Variants in DTD1 observed in about 807,000 individuals in gnomAD.
DTD1 encodes D-tyrosyl-tRNA deacylase 1 homolog.
In DTD1, 13 loss-of-function variants were observed where a neutral mutation model predicts 25.6. The ratio of observed to expected loss-of-function variants is 0.51; its 90% CI spans 0.33 to 0.81. The LOEUF (loss-of-function observed/expected upper bound fraction) is 0.81. Among genes scored for constraint, DTD1 ranks in the 30% least tolerant of loss-of-function variants. The pLI is 0.02. For synonymous variants in DTD1, 110 were observed against 103.6 expected (o/e 1.06, Z -0.37); for missense variants, 193 against 266.4 (o/e 0.72, Z 1.92).
intron 3 of DTD1, among the ~76,000 whole-genome samples, chr20:18,622,150 G>T (rs1375225642): frequency 6.6e-6 from 1 of 152,104 alleles, no homozygotes; most frequent in Non-Finnish European, 1.5e-5. Flanking sequence ...ATGTGCCATG[G>T]TGTTTGCTGC....
intron 3 of DTD1, among the ~76,000 whole-genome samples, chr20:18,600,600 C>T (rs2060629878): frequency 6.6e-6 from 1 of 152,118 alleles, no homozygotes; most frequent in Non-Finnish European, 1.5e-5. Flanking sequence ...TTTGCTTCCC[C>T]ATGTAAACTT....
At chr20:18,649,001 A>AAC in intron 4 of DTD1, among the ~76,000 whole-genome samples, 1 of 146,826 alleles carries the variant, frequency 6.8e-6, no homozygotes, top group Non-Finnish European at 1.5e-5. Context: ...ATCTCAAAAA[A>AAC]AAAAAAAAAA....
At chr20:18,730,775 C>CAA (rs555833193) in intron 4 of DTD1, among the ~76,000 whole-genome samples, 95 of 152,210 alleles carry the variant, frequency 6.2e-4, no homozygotes, top group Middle Eastern at 3.4e-3. Flanking sequence ...GGCTGGAACT[C>CAA]TTTTATGAGT....
At chr20:18,634,348 C>T (rs984093821) in intron 4 of DTD1, among the ~76,000 whole-genome samples, 1 of 152,164 alleles carries the variant, frequency 6.6e-6, no homozygotes, top group Non-Finnish European at 1.5e-5. Context: ...GGACTCTTCC[C>T]TGGGGCCTAG....
chr20:18,668,577 C>A (rs1320851182), intron 4 of DTD1, among the ~76,000 whole-genome samples: 1 of 152,126 alleles, frequency 6.6e-6, no homozygotes, highest in East Asian at 1.9e-4. Context: ...GGCAAGGCCC[C>A]ATCCTGAGTG....
chr20:18,654,927 CA>C (rs1195160314), intron 4 of DTD1, among the ~76,000 whole-genome samples: 1 of 152,116 alleles, frequency 6.6e-6, no homozygotes, highest in Non-Finnish European at 1.5e-5. Flanking sequence ...TCAATATTAA[CA>C]GTGCTTTTAA....
chr20:18,732,195 C>T (rs2061240974), intron 4 of DTD1, among the ~76,000 whole-genome samples: 1 of 152,162 alleles, frequency 6.6e-6, no homozygotes, highest in Admixed American at 6.5e-5. Context: ...TTCTCTTTTT[C>T]TTAAGACTCT....
intron 3 of DTD1, among the ~76,000 whole-genome samples, chr20:18,598,309 C>T (rs932068455): frequency 4.6e-5 from 7 of 152,170 alleles, no homozygotes; most frequent in Non-Finnish European, 8.8e-5. Context: ...GACGTGAACT[C>T]ATCCTTTTTT....
At chr20:18,650,484 C>T (rs566020959) in intron 4 of DTD1, among the ~76,000 whole-genome samples, 4 of 152,294 alleles carry the variant, frequency 2.6e-5, no homozygotes, top group African/African-American at 9.6e-5. Context: ...CTGGCCTGCA[C>T]GCTGAGCACC....
At chr20:18,635,140 T>G (rs1270620097) in intron 4 of DTD1, among the ~76,000 whole-genome samples, 1 of 152,004 alleles carries the variant, frequency 6.6e-6, no homozygotes. Context: ...GCTGCAGGAG[T>G]ATGTTTTAAA....
chr20:18,614,857 C>T (rs1049424264), intron 3 of DTD1, among the ~76,000 whole-genome samples: 8 of 151,990 alleles, frequency 5.3e-5, no homozygotes, highest in African/African-American at 1.9e-4. Context: ...CTTCCACTCT[C>T]CTTCAATCCC....
chr20:18,613,920 G>A (rs1453326653), intron 3 of DTD1, among the ~76,000 whole-genome samples: 1 of 151,982 alleles, frequency 6.6e-6, no homozygotes, highest in Admixed American at 6.6e-5. Flanking sequence ...TGGCCACTAG[G>A]GTGCATGCTA....
intron 1 of DTD1, among the ~76,000 whole-genome samples, chr20:18,590,251 TACTACA>T (rs2060583775): frequency 6.6e-6 from 1 of 152,132 alleles, no homozygotes; most frequent in African/African-American, 2.4e-5. Flanking sequence ...TATTATAGCT[TACTACA>T]ACCTCAAACG....
chr20:18,608,047 T>C (rs938367634), intron 3 of DTD1, among the ~76,000 whole-genome samples: 2 of 152,156 alleles, frequency 1.3e-5, no homozygotes, highest in Non-Finnish European at 2.9e-5. Flanking sequence ...TTTGGCAGAT[T>C]GTACCTTTCA....
chr20:18,629,772 AG>A (rs2060776418), intron 4 of DTD1, among the ~76,000 whole-genome samples: 1 of 152,122 alleles, frequency 6.6e-6, no homozygotes, highest in Admixed American at 6.5e-5. Context: ...CAGAGGCCTC[AG>A]GAAACTTACA....
chr20:18,717,129 AAATACACAAGAACC>A (rs2061184175), intron 4 of DTD1, among the ~76,000 whole-genome samples: 1 of 152,234 alleles, frequency 6.6e-6, no homozygotes, highest in Non-Finnish European at 1.5e-5. Context: ...ACACAGTGAA[AAATACACAAGAACC>A]AGGAGAGATC....
intron 3 of DTD1, among the ~76,000 whole-genome samples, chr20:18,622,063 C>CAAA (rs11481961): frequency 7.0e-6 from 1 of 142,574 alleles, no homozygotes; most frequent in Non-Finnish European, 1.5e-5. Flanking sequence ...GACTCTGTCT[C>CAAA]AAAAAAAAAA....
At chr20:18,754,282 C>A (rs1205507911) in intron 5 of DTD1, among the ~76,000 whole-genome samples, 2 of 152,182 alleles carry the variant, frequency 1.3e-5, no homozygotes, top group Non-Finnish European at 2.9e-5. Context: ...TCCTCACTGT[C>A]CCTCGTGGTT....
At chr20:18,638,202 T>C in intron 4 of DTD1, among the ~76,000 whole-genome samples, 1 of 72,548 alleles carries the variant, frequency 1.4e-5, no homozygotes, top group Non-Finnish European at 3.3e-5. Context: ...CATCCATCCA[T>C]CCATCCATCC....
Sources: gnomAD v4.1 joint callset for allele counts (sites outside exome capture counted in the v4.1 genomes callset) on GRCh38, gnomAD v4.1.1 for gene constraint, MANE v1.5 for transcripts, NCBI Gene and HGNC (gene_info 2026-07-23, HGNC 2026-07-21) for gene names.